MATN4: variants seen among roughly 807,000 people sequenced by gnomAD.
MATN4 encodes the protein matrilin 4.
A neutral mutation model predicts 54.6 loss-of-function variants in MATN4; 40 were observed. That is an observed-to-expected ratio of 0.73 (90% CI 0.57 to 0.95). MATN4 has a LOEUF of 0.95. Among genes scored for constraint, MATN4 ranks in the 40% least tolerant of loss-of-function variants. The pLI, the probability that MATN4 is intolerant of heterozygous loss-of-function variation, is 0.00. For missense variants in MATN4, 810 were observed against 819.1 expected (o/e 0.99, Z 0.13); for synonymous variants, 351 against 345.3 (o/e 1.02, Z -0.18).
In MATN4 at chr20:45,304,592, G is replaced by A. The variant is rs779524603; in HGVS notation, c.279C>T (p.Arg93=). The change falls in exon 3 of 10, where the codon CGC becomes CGT. Residue 93 remains arginine (R), a synonymous_variant. Transcript: ENST00000372756. ...QSVFPLRAFS[R]REDMERAIRD... is the part of the protein sequence containing the mutation. Reference sequence around the variant, plus strand: ...GGATGGCGCGCTCCATGTCCTCGCGGCGAGAGAACGCGCGGAGAGGGAAGA... The same window carrying A: ...GGATGGCGCGCTCCATGTCCTCGCGACGAGAGAACGCGCGGAGAGGGAAGA... 1 of 1,599,178 alleles carries A rather than the reference G, an allele frequency of 6.3e-7. No individual in the cohort carries two copies. Among genetic ancestry groups the A allele is most frequent in the Non-Finnish European group, 8.6e-7 (1 of 1,168,296 alleles).
rs1269918162 is a variant in MATN4, at chr20:45,298,251, C to A, written c.1345G>T (p.Val449Leu). The A allele has an allele frequency of 6.2e-7, 1 of 1,612,734 alleles. No homozygotes were observed. The highest frequency in any genetic ancestry group is 1.7e-5 in the Admixed American group (1 of 59,994). ...AQGARPRALN[V>L]PRVGLVFTDG... ...GTGAAGACCAGGCCAACACGAGGCA[C>A]GTTAAGGGCACGGGGCCGTGCACCC... The change falls in exon 7 of 10, where the codon GTG becomes TTG. Residue 449 changes from valine (V) to leucine (L), a missense_variant. Physicochemically the swap from Val to Leu is conservative, Grantham distance 32. Transcript: ENST00000372756. This position sits in a 1 kb window ranked among gnomAD's most constrained non-coding sequence, Gnocchi z 4.6.
At chr20:45,305,823 A>T (rs1358224537) in intron 1 of MATN4, among the ~76,000 whole-genome samples, 36 of 1,874 alleles carry the variant, frequency 0.019, no homozygotes, top group Non-Finnish European at 0.045. Flanking sequence ...TTTTTTTTTT[A>T]GATAGAGTCT....
intron 1 of MATN4, among the ~76,000 whole-genome samples, chr20:45,307,709 CA>C (rs1406463408): frequency 6.6e-6 from 1 of 152,228 alleles, no homozygotes; most frequent in Non-Finnish European, 1.5e-5. Context: ...CAAAGTTCAT[CA>C]CCTTTCCAAA....
chr20:45,305,533 C>A lies in MATN4; in HGVS notation c.50G>T (p.Trp17Leu). Residue 17 changes from tryptophan to leucine, a missense_variant, in exon 2 of 10, where the codon TGG becomes TTG. By Grantham distance (61) the Trp-to-Leu change is moderately conservative. Transcript: ENST00000372756. ...ACCTGTCAACTGGAGCTGGGTTTCC[C>A]AGGGCTGAAGAAGGAGCAGCAACAC... The part of the protein sequence containing the change: ...WPVLLLLLQP[W>L]ETQLQLTGPR... The A allele has an allele frequency of 6.4e-7, 1 of 1,557,330 alleles. No individual in the cohort carries two copies. The highest frequency in any genetic ancestry group is 1.9e-5 in the Admixed American group (1 of 51,702).
At position 45,298,701 on chromosome 20, in the gene MATN4, C is replaced by G; in HGVS notation, c.1013-118G>C. 1 of 740,904 alleles carries G rather than the reference C, an allele frequency of 1.3e-6. No homozygotes were observed. The highest frequency in any genetic ancestry group is 2.1e-6 in the Non-Finnish European group (1 of 471,450). The allele number at this position is 740,904 out of a possible 1,614,324, so 45.9% of individuals were successfully genotyped here. A position where few individuals can be genotyped will look rare whatever the true frequency, so the allele number is the denominator to read the frequency against. The stretch of plus-strand genomic sequence containing the variant: ...ATATAACAGACAACATTTCCTGAGT[C>G]CTTCCTGTGCCAGGCAGTGTGCTAA... On this transcript the variant is annotated intron_variant, in intron 6 of 9. Coordinates refer to ENST00000372756, the MANE Select transcript of MATN4 (RefSeq NM_001393530.1). This position sits in a 1 kb window ranked among gnomAD's most constrained non-coding sequence, Gnocchi z 4.6.
Position 45,301,134 on chromosome 20 carries a change from T to G in MATN4, c.857A>C (p.His286Pro). 3 of 1,614,212 alleles carry G rather than the reference T, an allele frequency of 1.9e-6. No individual in the cohort carries two copies. Among genetic ancestry groups the G allele is most frequent in the Non-Finnish European group, 2.5e-6 (3 of 1,180,034 alleles). ...GCTCCTCCCATCAGGCTGCAAGTCATGGCCCTCTCTGCAGTGGCACCGTGG... is the reference window on the plus strand; with the variant it reads ...GCTCCTCCCATCAGGCTGCAAGTCAGGGCCCTCTCTGCAGTGGCACCGTGG... Reference protein sequence around the residue: ...GGPRCHCREGHDLQPDGRSCQ... With the variant: ...GGPRCHCREGPDLQPDGRSCQ... Residue 286 changes from histidine (H) to proline (P), a missense_variant, in exon 5 of 10, where the codon CAT (histidine) becomes CCT (proline). Coordinates refer to ENST00000372756, the MANE Select transcript of MATN4 (RefSeq NM_001393530.1).
Position 45,301,094 on chromosome 20 carries a change from C to T in MATN4, c.889+8G>A, listed in dbSNP as rs770628785. On this transcript the variant is annotated splice_region_variant and intron_variant, in intron 5 of 9. Coordinates refer to ENST00000372756, the MANE Select transcript of MATN4 (RefSeq NM_001393530.1). ...CCCCTCCCACAAATGTAGGAGAGCC[C>T]TCCTCACCCTGACAGCTCCTCCCAT... 1 of 1,614,136 alleles carries T rather than the reference C, an allele frequency of 6.2e-7. No homozygotes were observed. Among genetic ancestry groups the T allele is most frequent in the Non-Finnish European group, 8.5e-7 (1 of 1,179,998 alleles).
intron 1 of MATN4, among the ~76,000 whole-genome samples, chr20:45,307,492 A>G (rs1261185245): frequency 6.6e-6 from 1 of 152,200 alleles, no homozygotes; most frequent in Non-Finnish European, 1.5e-5. Context: ...AGCTTGGGCC[A>G]CAGGCAAAGC....
Position 45,298,589 on chromosome 20 carries a change from C to A in MATN4, c.1013-6G>T. ...CACGTGGCCTTCCCGGCACCCTGCA[C>A]AGCCAGAAAAGCTTGAATTGAGGGA... On this transcript the variant is annotated splice_region_variant and splice_polypyrimidine_tract_variant and intron_variant, in intron 6 of 9. Coordinates refer to ENST00000372756, the MANE Select transcript of MATN4 (RefSeq NM_001393530.1). The surrounding 1 kb of genome is among the most constrained non-coding windows in gnomAD (Gnocchi z 4.6). 6.5e-7 allele frequency: 1 copy of A among 1,528,996 alleles called. No individual in the cohort carries two copies. The allele number at this position is 1,528,996 out of a possible 1,614,324, so 94.7% of individuals were successfully genotyped here.
At position 45,304,734 on chromosome 20, in the gene MATN4, C is replaced by A. The variant is rs755359898; in HGVS notation, c.137G>T (p.Arg46Leu). The change falls in exon 3 of 10, where the codon CGC becomes CTC. Residue 46 changes from arginine to leucine, a missense_variant. Transcript: ENST00000372756. ...CCGCATGGTCTCGAACTCGAAAGGG[C>A]GCACGCTGCGGGAGCTGTCAATCAC... is the stretch of plus-strand genomic sequence containing the variant. ...VFVIDSSRSV[R>L]PFEFETMRQF... The A allele has an allele frequency of 2.0e-5, 32 of 1,609,926 alleles. No individual in the cohort carries two copies. Among genetic ancestry groups the A allele is most frequent in the Non-Finnish European group, 2.5e-5 (30 of 1,177,316 alleles).
rs762698654 is a variant in MATN4, at chr20:45,297,978, C to G, written c.1519G>C (p.Ala507Pro). 2.0e-5 allele frequency: 33 copies of G among 1,614,068 alleles called. No homozygotes were observed. The highest frequency in any genetic ancestry group is 2.7e-5 in the Non-Finnish European group (32 of 1,180,048). ...SEPAELHVSY[A>P]PDFGTMTHLL... ...TGCGTCATGGTGCCGAAGTCCGGGG[C>G]ATAGGACACGTGCAGTTCCGCTGGC... The change falls in exon 8 of 10, where the codon GCC (alanine) becomes CCC (proline). Residue 507 changes from alanine to proline, a missense_variant. Physicochemically the swap from Ala to Pro is conservative, Grantham distance 27. Transcript: ENST00000372756.
rs114313957 is a variant in MATN4 at position 45,304,759 on chromosome 20, C to G, written c.112G>C (p.Val38Leu). Reference protein sequence around the residue: ...CHTGPLDLVFVIDSSRSVRPF... With the variant: ...CHTGPLDLVFLIDSSRSVRPF... ...CGCACGCTGCGGGAGCTGTCAATCACGAACACCAGATCCAGGGGCCCAGTG... is the reference window on the plus strand; with the variant it reads ...CGCACGCTGCGGGAGCTGTCAATCAGGAACACCAGATCCAGGGGCCCAGTG... Residue 38 changes from valine to leucine, a missense_variant, in exon 3 of 10, where the codon GTG becomes CTG. By Grantham distance (32) the Val-to-Leu change is conservative. Coordinates refer to ENST00000372756, the MANE Select transcript of MATN4 (RefSeq NM_001393530.1). The G allele has an allele frequency of 1.8e-3, 2,912 of 1,596,986 alleles. 48 individuals carry two copies. In the African/African-American group the frequency reaches 0.034, roughly 19 times the overall value.
chr20:45,301,536 C>T, intron 3 of MATN4, 93 bp from the exon 4 acceptor site: 1 of 1,362,696 alleles, frequency 7.3e-7, no homozygotes, highest in Non-Finnish European at 9.9e-7. Flanking sequence ...AATACCTACG[C>T]CTGGGCCCCA....
chr20:45,298,486 C>A lies in MATN4; in HGVS notation c.1110G>T (p.Gln370His), dbSNP rs753239714. The change falls in exon 7 of 10, where the codon CAG becomes CAT. Residue 370 changes from glutamine to histidine, a missense_variant. By Grantham distance (24) the Gln-to-His change is conservative. Transcript: ENST00000372756. This position sits in a 1 kb window ranked among gnomAD's most constrained non-coding sequence, Gnocchi z 4.6. The stretch of plus-strand genomic sequence containing the variant: ...GGGACACATCTAGGAAGTCCACAAT[C>A]TGGTTCACGAAGCGCTTCACTAGCT... ...NFELVKRFVN[Q>H]IVDFLDVSPE... is the part of the protein sequence containing the mutation. The A allele has an allele frequency of 1.9e-6, 3 of 1,613,838 alleles. No individual in the cohort carries two copies. In the Admixed American group the frequency reaches 5.0e-5, roughly 27 times the overall value.
In MATN4 at chr20:45,304,466, C is replaced by T. The variant is rs1251078948; in HGVS notation, c.405G>A (p.Glu135=). ...FSVAEGARPP[E]ERVPRVAVIV... The stretch of plus-strand genomic sequence containing the variant: ...TGACAGCGACACGCGGCACGCGCTC[C>T]TCTGGCGGTCGCGCGCCCTCGGCCA... Residue 135 remains glutamate (E), a synonymous_variant, in exon 3 of 10, where the codon GAG becomes GAA. Coordinates refer to ENST00000372756, the MANE Select transcript of MATN4 (RefSeq NM_001393530.1). The T allele has an allele frequency of 1.9e-6, 3 of 1,566,956 alleles. No individual in the cohort carries two copies. The highest frequency in any genetic ancestry group is 2.6e-6 in the Non-Finnish European group (3 of 1,149,260).
intron 8 of MATN4, among the ~76,000 whole-genome samples, chr20:45,295,514 A>G (rs936342544): frequency 6.6e-6 from 1 of 152,116 alleles, no homozygotes. Flanking sequence ...CAGCCTCCCG[A>G]GTAGCTGGGA....
At position 45,293,683 on chromosome 20, in the gene MATN4, G is replaced by C; in HGVS notation, c.*84C>G. The C allele has an allele frequency of 2.3e-6, 3 of 1,325,874 alleles. No homozygotes were observed. Among genetic ancestry groups the C allele is most frequent in the Non-Finnish European group, 3.0e-6 (3 of 988,126 alleles). 82.1% of individuals were successfully genotyped at this position (1,325,874 alleles called of 1,614,324 possible). A position where few individuals can be genotyped will look rare whatever the true frequency, so the allele number is the denominator to read the frequency against. On this transcript the variant is annotated 3_prime_UTR_variant, in exon 10 of 10. Transcript: ENST00000372756. Reference sequence around the variant, plus strand: ...CCCAAGCCGGACGGGCCCAGGTTCTGCCTGGCCCCGGCGCACCGATGGCGC... The same window carrying C: ...CCCAAGCCGGACGGGCCCAGGTTCTCCCTGGCCCCGGCGCACCGATGGCGC...
At chr20:45,299,731 A>T (rs1986091840) in intron 6 of MATN4, among the ~76,000 whole-genome samples, 1 of 151,910 alleles carries the variant, frequency 6.6e-6, no homozygotes, top group Non-Finnish European at 1.5e-5. Flanking sequence ...TACAAAAATT[A>T]GCCAAGCATG....
intron 3 of MATN4, 46 bp from the exon 4 acceptor site, chr20:45,301,489 A>G (rs1412108820): frequency 1.3e-6 from 2 of 1,585,410 alleles, no homozygotes; most frequent in East Asian, 4.5e-5. Flanking sequence ...TGCCCTTCTC[A>G]GCTCTGGTAG....
Sources: allele counts gnomAD v4.1 joint callset (sites outside exome capture counted in the v4.1 genomes callset), GRCh38; gene constraint gnomAD v4.1.1; non-coding constraint Gnocchi (gnomAD v3.1); transcripts MANE v1.5; gene names NCBI Gene and HGNC (gene_info 2026-07-23, HGNC 2026-07-21).